The following SPATA13 variants were observed in gnomAD, a reference collection of about 807,000 sequenced individuals.
SPATA13 encodes the protein spermatogenesis associated 13.
Under a neutral mutation model 104.0 loss-of-function variants are expected in SPATA13, and 50 were observed. That is an observed-to-expected ratio of 0.48 (90% confidence interval 0.38 to 0.61). The LOEUF (loss-of-function observed/expected upper bound fraction) is 0.61. Ranked by LOEUF, SPATA13 falls within the 20% of genes least tolerant of loss-of-function variation. The pLI is 0.00. For missense variants in SPATA13, 1,524 were observed against 1,690.6 expected, an observed-to-expected ratio of 0.90 and a Z score of 1.73; for synonymous variants, 606 against 667.5, an observed-to-expected ratio of 0.91 and a Z score of 1.42.
intron 9 of SPATA13, among the ~76,000 whole-genome samples, chr13:24,291,218 G>A (rs190865488): frequency 4.6e-5 from 7 of 152,192 alleles, no homozygotes; most frequent in African/African-American, 7.2e-5. Flanking sequence ...TAGTAAAGAC[G>A]GTTTCTGAGG....
chr13:24,251,200 G>A (rs1291619131), intron 3 of SPATA13, among the ~76,000 whole-genome samples: 1 of 152,188 alleles, frequency 6.6e-6, no homozygotes, highest in African/African-American at 2.4e-5. Context: ...AGCAAGGCTT[G>A]CCTTCAGCTC....
At chr13:24,195,888 G>T (rs1395751283) in intron 1 of SPATA13, among the ~76,000 whole-genome samples, 1 of 152,102 alleles carries the variant, frequency 6.6e-6, no homozygotes, top group Non-Finnish European at 1.5e-5. Context: ...GTGATGTTTG[G>T]ATTAATAGCA....
At chr13:24,084,109 C>T (rs185084259) in intron 3 of SPATA13, among the ~76,000 whole-genome samples, 20 of 152,208 alleles carry the variant, frequency 1.3e-4, no homozygotes, top group Non-Finnish European at 2.5e-4. Flanking sequence ...AAGAGAGAGC[C>T]GTGACTAGAA....
chr13:24,102,475 C>CTTT (rs34472292), intron 3 of SPATA13, among the ~76,000 whole-genome samples: 2 of 120,838 alleles, frequency 1.7e-5, no homozygotes, highest in East Asian at 2.3e-4. Flanking sequence ...CACAGAATTT[C>CTTT]TTTTTTTTTT....
chr13:24,122,572 C>G (rs111258834), intron 3 of SPATA13: 16 of 1,554,012 alleles, frequency 1.0e-5, no homozygotes, highest in African/African-American at 6.8e-5. Flanking sequence ...GCGATGACCT[C>G]TAACAATTTT....
chr13:24,014,861 C>G (rs1025216729), intron 2 of SPATA13, among the ~76,000 whole-genome samples: 5 of 137,818 alleles, frequency 3.6e-5, no homozygotes, highest in East Asian at 2.1e-4. Context: ...TCCAGGTTCC[C>G]TTTTTGGCAC....
chr13:24,014,878 G>GTTT (rs1876635311), intron 2 of SPATA13, among the ~76,000 whole-genome samples: 2 of 78,690 alleles, frequency 2.5e-5, no homozygotes, highest in South Asian at 4.1e-4. Context: ...GCACTTTCTG[G>GTTT]ATTTTTTTTT....
intron 4 of SPATA13, among the ~76,000 whole-genome samples, chr13:24,258,092 G>C (rs1485186789): frequency 1.3e-5 from 2 of 152,084 alleles, no homozygotes; most frequent in Admixed American, 1.3e-4. Flanking sequence ...AAAATTAGCT[G>C]GGTGTGGTGG....
chr13:24,253,008 A>G (rs527943059), intron 4 of SPATA13: 21 of 152,336 alleles, frequency 1.4e-4, no homozygotes, highest in African/African-American at 4.8e-4. Flanking sequence ...AGAAGTGTAT[A>G]CTTATTTGGG....
intron 3 of SPATA13, among the ~76,000 whole-genome samples, chr13:24,133,361 T>A (rs917206058): frequency 1.1e-4 from 16 of 152,232 alleles, no homozygotes; most frequent in African/African-American, 3.9e-4. Flanking sequence ...ATTTGAGATC[T>A]ATTATAGAAA....
At chr13:24,061,870 T>A (rs897007392) in intron 3 of SPATA13, among the ~76,000 whole-genome samples, 4 of 151,014 alleles carry the variant, frequency 2.6e-5, no homozygotes, top group African/African-American at 9.8e-5. Context: ...ATAAAAGTTT[T>A]TAAAAAAAAT....
At chr13:23,998,928 G>GTT (rs10649768) in intron 2 of SPATA13, among the ~76,000 whole-genome samples, 6 of 147,360 alleles carry the variant, frequency 4.1e-5, no homozygotes, top group Non-Finnish European at 6.0e-5. Context: ...ACTAACTTTG[G>GTT]TTTTTTTTTT....
In SPATA13 at chr13:24,294,830, A is replaced by G. The variant is rs1876644391; in HGVS notation, c.3172A>G (p.Lys1058Glu). ...ERKRKLESID[K>E]IARWQVSIVG... The stretch of plus-strand genomic sequence containing the variant: ...CAAGCGCAAGCTGGAGAGCATCGAC[A>G]AGATAGCTCGCTGGCAGGTGTCTAT... Residue 1058 changes from lysine to glutamate, a missense_variant, in exon 10 of 13, where the codon AAG (lysine) becomes GAG (glutamate). Lys to Glu is a moderately conservative substitution (Grantham distance 56). Coordinates refer to ENST00000382108, the MANE Select transcript of SPATA13 (RefSeq NM_001166271.3). 6 of 1,611,172 alleles carry G rather than the reference A, an allele frequency of 3.7e-6. No homozygotes were observed. In the East Asian group the frequency reaches 1.3e-4, roughly 36 times the overall value.
rs76928167 is a variant in SPATA13, at chr13:24,228,613, C to T, written c.1653+4031C>T. Among the ~76,000 whole-genome samples the T allele has an allele frequency of 4.5e-3, 681 of 152,210 alleles. 4 individuals carry two copies. The highest frequency in any genetic ancestry group is 0.015 in the African/African-American group (632 of 41,534). On this transcript the variant is annotated intron_variant, in intron 2 of 12. Transcript: ENST00000382108. Reference sequence around the variant, plus strand: ...GGAAACAAACAGGAAAAGGGTGACACGCAAGGATTCCAGCCTTCATGAGTT... The same window carrying T: ...GGAAACAAACAGGAAAAGGGTGACATGCAAGGATTCCAGCCTTCATGAGTT...
chr13:24,284,765 A>G (rs902995368), intron 5 of SPATA13, among the ~76,000 whole-genome samples: 15 of 152,180 alleles, frequency 9.9e-5, no homozygotes, highest in African/African-American at 3.6e-4. Context: ...TTAGGTAAGG[A>G]ACAGCAGCTC....
chr13:24,107,186 C>T (rs1880480558), intron 3 of SPATA13, among the ~76,000 whole-genome samples: 2 of 118,044 alleles, frequency 1.7e-5, no homozygotes, highest in Admixed American at 1.2e-4. Flanking sequence ...AAGTGAAATG[C>T]AAGATGATCA....
At chr13:24,164,829 G>A (rs1882655159) in intron 1 of SPATA13, among the ~76,000 whole-genome samples, 1 of 152,172 alleles carries the variant, frequency 6.6e-6, no homozygotes. Flanking sequence ...GTGCTGAGCT[G>A]AAGGTGAAGC....
intron 3 of SPATA13, among the ~76,000 whole-genome samples, chr13:24,078,534 A>G (rs539502737): frequency 6.6e-6 from 1 of 152,186 alleles, no homozygotes; most frequent in Non-Finnish European, 1.5e-5. Flanking sequence ...TGTGACTTTA[A>G]GTATGCTCAC....
At chr13:24,228,769 CTT>C (rs1413278707) in intron 2 of SPATA13, among the ~76,000 whole-genome samples, 2 of 152,092 alleles carry the variant, frequency 1.3e-5, no homozygotes, top group Non-Finnish European at 2.9e-5. Flanking sequence ...CAAATTTAAA[CTT>C]ATTGTTGAAT....
Sources: gnomAD v4.1 joint callset for allele counts (sites outside exome capture counted in the v4.1 genomes callset) on GRCh38, gnomAD v4.1.1 for gene constraint, MANE v1.5 for transcripts, NCBI Gene and HGNC (gene_info 2026-07-23, HGNC 2026-07-21) for gene names.